DNTT: variants seen among roughly 807,000 people sequenced by gnomAD.
The protein encoded by DNTT is DNA nucleotidylexotransferase.
Under a neutral mutation model 60.9 loss-of-function variants are expected in DNTT, and 47 were observed. The observed-to-expected ratio is 0.77, with a 90% CI of 0.61 to 0.98. DNTT has a LOEUF of 0.98. Among genes scored for constraint, DNTT ranks in the 50% least tolerant of loss-of-function variants. The probability of loss-of-function intolerance (pLI) is 0.00; values close to 1 mark genes in which losing one functional copy is unlikely to be tolerated. For synonymous variants in DNTT, 224 were observed against 221.2 expected, an observed-to-expected ratio of 1.01 and a Z score of -0.11; for missense variants, 665 against 627.5, an observed-to-expected ratio of 1.06 and a Z score of -0.64.
chr10:96,328,664 T>C (rs1007114744), intron 7 of DNTT, 61 bp from the exon 8 acceptor site: 1 of 1,541,980 alleles, frequency 6.5e-7, no homozygotes, highest in Non-Finnish European at 8.9e-7. Context: ...CAAAGGTGAT[T>C]TTTTAAAAAT....
intron 9 of DNTT, among the ~76,000 whole-genome samples, chr10:96,334,483 C>T (rs1845044058): frequency 6.6e-6 from 1 of 152,200 alleles, no homozygotes; most frequent in Non-Finnish European, 1.5e-5. Flanking sequence ...TCCTGTTTTC[C>T]CAGGTAGCTG....
At chr10:96,327,630 T>G (rs778078302) in intron 7 of DNTT, 30 bp downstream of exon 7, 1 of 1,597,110 alleles carries the variant, frequency 6.3e-7, no homozygotes, top group Non-Finnish European at 8.5e-7. Flanking sequence ...TTGCCTCCTC[T>G]GCCCGAATAC....
chr10:96,336,940 G>GAAAAA (rs71034371), intron 10 of DNTT, among the ~76,000 whole-genome samples: 4 of 129,946 alleles, frequency 3.1e-5, no homozygotes, highest in Admixed American at 1.7e-4. Context: ...TCTGTGTCAG[G>GAAAAA]AAAAAAAAAA....
intron 7 of DNTT, 62 bp from the exon 8 acceptor site, chr10:96,328,663 T>C (rs535238813): frequency 6.5e-7 from 1 of 1,539,774 alleles, no homozygotes; most frequent in East Asian, 2.3e-5. Context: ...ACAAAGGTGA[T>C]TTTTTAAAAA....
At chr10:96,317,489 G>A (rs1413179277) in intron 1 of DNTT, among the ~76,000 whole-genome samples, 1 of 152,192 alleles carries the variant, frequency 6.6e-6, no homozygotes, top group Non-Finnish European at 1.5e-5. Context: ...AATAAACTGT[G>A]AGATCATTTA....
At chr10:96,323,786 G>T (rs1204901940) in intron 5 of DNTT, among the ~76,000 whole-genome samples, 1 of 152,208 alleles carries the variant, frequency 6.6e-6, no homozygotes, top group African/African-American at 2.4e-5. Context: ...AGGAGCACAG[G>T]CTTGGAGTGT....
chr10:96,307,463 T>G (rs1287118906), intron 1 of DNTT, among the ~76,000 whole-genome samples: 1 of 142,098 alleles, frequency 7.0e-6, no homozygotes, highest in Non-Finnish European at 1.5e-5. Context: ...CAAGCGATAC[T>G]CCTGCCTAAG....
chr10:96,314,669 C>T (rs1442256382), intron 1 of DNTT, among the ~76,000 whole-genome samples: 2 of 152,076 alleles, frequency 1.3e-5, no homozygotes, highest in Non-Finnish European at 2.9e-5. Flanking sequence ...CCCTCAGCCT[C>T]CCAAAGTGCT....
chr10:96,322,112 G>A (rs1262207884), intron 4 of DNTT, among the ~76,000 whole-genome samples: 3 of 152,096 alleles, frequency 2.0e-5, no homozygotes, highest in Non-Finnish European at 2.9e-5. Flanking sequence ...TTTACTGAAC[G>A]GTGTTTAGGG....
chr10:96,308,537 G>T (rs1421578014), intron 1 of DNTT, among the ~76,000 whole-genome samples: 1 of 152,140 alleles, frequency 6.6e-6, no homozygotes, highest in African/African-American at 2.4e-5. Flanking sequence ...CCAATACGTG[G>T]AGCTATTTTA....
chr10:96,310,128 C>T (rs1309511563), intron 1 of DNTT, among the ~76,000 whole-genome samples: 2 of 152,192 alleles, frequency 1.3e-5, no homozygotes, highest in East Asian at 3.9e-4. Context: ...GGACCAACCC[C>T]CCTACTACCC....
intron 9 of DNTT, 75 bp downstream of exon 9, chr10:96,332,671 G>A: frequency 6.4e-7 from 1 of 1,565,416 alleles, no homozygotes. Context: ...GGGCCCAGGG[G>A]AGAGATGACG....
At chr10:96,325,723 C>G (rs1043847762) in intron 6 of DNTT, among the ~76,000 whole-genome samples, 2 of 152,178 alleles carry the variant, frequency 1.3e-5, no homozygotes, top group East Asian at 3.8e-4. Flanking sequence ...ATACTTATAC[C>G]CCCACAAGTA....
rs1437175894 is a variant in DNTT at position 96,318,473 on chromosome 10, G to A, written c.325G>A (p.Glu109Lys). 5.3e-5 allele frequency: 86 copies of A among 1,613,774 alleles called. 1 individual carries two copies. The highest frequency in any genetic ancestry group is 6.9e-5 in the Non-Finnish European group (82 of 1,179,858). ...GCTCCTCGATGTCTCCTGGCTGATCGAATGCATAAGAGCAGGGAAACCGGT... is the reference window on the plus strand; with the variant it reads ...GCTCCTCGATGTCTCCTGGCTGATCAAATGCATAAGAGCAGGGAAACCGGT... The part of the protein sequence containing the change: ...PELLDVSWLI[E>K]CIRAGKPVEM... The change falls in exon 2 of 11, where the codon GAA becomes AAA. Residue 109 changes from glutamate (E) to lysine (K), a missense_variant. Glu to Lys is a moderately conservative substitution (Grantham distance 56). Transcript: ENST00000371174.
Position 96,311,880 on chromosome 10 carries a change from G to A in DNTT, c.204-6472G>A, listed in dbSNP as rs531435598. Among the ~76,000 whole-genome samples the A allele has an allele frequency of 7.2e-5, 11 of 152,320 alleles. 1 individual carries two copies. In the South Asian group the frequency reaches 2.3e-3, roughly 32 times the overall value. On this transcript the variant is annotated intron_variant, in intron 1 of 10. Transcript: ENST00000371174. ...GCTGATCTTGAACTCTTGACCTCAA[G>A]TGATTCGCCCACCTGGGCCTCCCAG...
intron 2 of DNTT, 127 bp downstream of exon 2, chr10:96,318,653 C>T: frequency 1.8e-6 from 2 of 1,081,454 alleles, no homozygotes; most frequent in African/African-American, 1.6e-5. Context: ...GGGCAAGTCA[C>T]TTAGCTTTAC....
intron 9 of DNTT, among the ~76,000 whole-genome samples, chr10:96,335,687 C>T (rs1187145322): frequency 6.6e-6 from 1 of 152,194 alleles, no homozygotes; most frequent in Non-Finnish European, 1.5e-5. Context: ...ACAGAACAAA[C>T]CAGGTTCCTG....
At chr10:96,307,360 T>G (rs1274481545) in intron 1 of DNTT, among the ~76,000 whole-genome samples, 3 of 134,040 alleles carry the variant, frequency 2.2e-5, no homozygotes, top group East Asian at 2.2e-4. Context: ...TTTTTTTTTT[T>G]TTTTTTTTTT....
chr10:96,304,789 A>C (rs963271749), intron 1 of DNTT, 89 bp downstream of exon 1: 2 of 1,420,488 alleles, frequency 1.4e-6, no homozygotes, highest in Non-Finnish European at 9.4e-7. Context: ...TTTCTTCCAC[A>C]TGTGGAAGAG....
Sources: gnomAD v4.1 joint callset for allele counts (sites outside exome capture counted in the v4.1 genomes callset) on GRCh38, gnomAD v4.1.1 for gene constraint, MANE v1.5 for transcripts, NCBI Gene and HGNC (gene_info 2026-07-23, HGNC 2026-07-21) for gene names.